Variants in DDAH1 observed in about 807,000 individuals in gnomAD.
DDAH1 encodes the protein N(G),N(G)-dimethylarginine dimethylaminohydrolase 1.
In DDAH1, 19 loss-of-function variants were observed where a neutral mutation model predicts 28.8. The observed-to-expected ratio is 0.66, with a 90% CI of 0.46 to 0.97. The LOEUF (loss-of-function observed/expected upper bound fraction) is 0.97, where lower values mean the gene tolerates loss of function less well. Ranked by LOEUF, DDAH1 falls within the 50% of genes least tolerant of loss-of-function variation. The pLI is 0.00. For synonymous variants in DDAH1, 153 were observed against 154.4 expected, an observed-to-expected ratio of 0.99 and a Z score of 0.07; for missense variants, 326 against 375.9, an observed-to-expected ratio of 0.87 and a Z score of 1.10.
At chr1:85,483,910 C>A (rs1448899501) in intron 2 of DDAH1, among the ~76,000 whole-genome samples, 2 of 152,182 alleles carry the variant, frequency 1.3e-5, no homozygotes, top group Non-Finnish European at 2.9e-5. Flanking sequence ...ATCGCAGATA[C>A]ACACTCCAGG....
chr1:85,325,501 C>T (rs542022748), intron 4 of DDAH1, among the ~76,000 whole-genome samples: 1 of 152,070 alleles, frequency 6.6e-6, no homozygotes, highest in South Asian at 2.1e-4. Flanking sequence ...AGGCCTCACC[C>T]TTAGGGAAAG....
At chr1:85,535,263 C>A (rs1658236142) in intron 1 of DDAH1, among the ~76,000 whole-genome samples, 1 of 151,386 alleles carries the variant, frequency 6.6e-6, no homozygotes, top group Non-Finnish European at 1.5e-5. Flanking sequence ...CAGATTTAAA[C>A]CAGACATGAA....
At chr1:85,540,211 T>C (rs1338540023) in intron 1 of DDAH1, among the ~76,000 whole-genome samples, 1 of 152,198 alleles carries the variant, frequency 6.6e-6, no homozygotes, top group African/African-American at 2.4e-5. Context: ...ATCTTTCCAA[T>C]ATACTATATT....
chr1:85,530,023 C>A (rs1468218611), intron 1 of DDAH1, among the ~76,000 whole-genome samples: 2 of 142,448 alleles, frequency 1.4e-5, no homozygotes, highest in African/African-American at 5.1e-5. Context: ...AAACTGCTGA[C>A]CCACGCATTT....
intron 1 of DDAH1, among the ~76,000 whole-genome samples, chr1:85,499,119 A>T (rs181311472): frequency 7.3e-6 from 1 of 136,748 alleles, no homozygotes; most frequent in Non-Finnish European, 1.5e-5. Flanking sequence ...TGAATAAAAA[A>T]ACAAGAACTA....
intron 4 of DDAH1, among the ~76,000 whole-genome samples, chr1:85,345,743 T>C (rs935445152): frequency 9.2e-5 from 14 of 152,306 alleles, no homozygotes; most frequent in African/African-American, 3.1e-4. Context: ...CGGGTGCCTA[T>C]AATCCCAGTT....
At chr1:85,393,126 C>T (rs1441142558) in intron 1 of DDAH1, among the ~76,000 whole-genome samples, 1 of 152,132 alleles carries the variant, frequency 6.6e-6, no homozygotes, top group Non-Finnish European at 1.5e-5. Flanking sequence ...ATTTATTTTG[C>T]ACAAGACACT....
At chr1:85,561,232 T>A (rs941409932) in intron 1 of DDAH1, among the ~76,000 whole-genome samples, 3 of 152,084 alleles carry the variant, frequency 2.0e-5, no homozygotes, top group Non-Finnish European at 4.4e-5. Context: ...CAAAGAGTTA[T>A]TAGGAGGATC....
chr1:85,551,542 C>T (rs1246330486), intron 1 of DDAH1, among the ~76,000 whole-genome samples: 1 of 152,184 alleles, frequency 6.6e-6, no homozygotes, highest in Non-Finnish European at 1.5e-5. Flanking sequence ...TCAACTTTCA[C>T]TCCTTCTTGT....
chr1:85,331,448 T>C (rs942825329), intron 4 of DDAH1, among the ~76,000 whole-genome samples: 3 of 151,610 alleles, frequency 2.0e-5, no homozygotes, highest in Admixed American at 2.0e-4. Flanking sequence ...TAACATAATG[T>C]ACCCATCTTA....
chr1:85,432,215 A>G (rs999870840), intron 1 of DDAH1, among the ~76,000 whole-genome samples: 1 of 152,180 alleles, frequency 6.6e-6, no homozygotes, highest in African/African-American at 2.4e-5. Flanking sequence ...TCAAGATAGC[A>G]AGATTGAACA....
rs1248272035 is a variant in DDAH1, at chr1:85,437,124, C to T, written c.303+27619G>A. On this transcript the variant is annotated intron_variant, in intron 1 of 5. Coordinates refer to ENST00000284031, the MANE Select transcript of DDAH1 (RefSeq NM_012137.4). ...CACCTGGTTCTCCCTCTCTCGCTGC[C>T]TGCCACCAGCCCCTCCACACACACT... 5.9e-5 allele frequency among the ~76,000 whole-genome samples: 9 copies of T among 152,168 alleles called. No individual in the cohort carries two copies. In the East Asian group the frequency reaches 1.7e-3, roughly 29 times the overall value.
At chr1:85,565,552 C>T (rs12090959) in intron 1 of DDAH1, among the ~76,000 whole-genome samples, 11,245 of 151,424 alleles carry the variant, frequency 0.074, 473 homozygotes, top group East Asian at 0.15. Flanking sequence ...TCCTATGAGC[C>T]TATATTATTT....
Position 85,564,971 on chromosome 1 carries a change from C to T in DDAH1, c.-123+13013G>A, listed in dbSNP as rs182225346. On this transcript the variant is annotated intron_variant, in intron 1 of 6. Transcript: ENST00000426972. ...CAGCACTTTGGGAGGCCAAGGCAGG[C>T]GGATCACGAGGTCAGTAGTTTGAGA... Among the ~76,000 whole-genome samples the T allele has an allele frequency of 5.6e-3, 856 of 151,582 alleles. 7 individuals carry two copies. The highest frequency in any genetic ancestry group is 0.038 in the Middle Eastern group (11 of 292).
intron 2 of DDAH1, among the ~76,000 whole-genome samples, chr1:85,479,365 G>C (rs944019421): frequency 1.3e-5 from 2 of 150,846 alleles, no homozygotes; most frequent in Non-Finnish European, 1.5e-5. Flanking sequence ...AGTAGAGACG[G>C]GGTTTCACCG....
In DDAH1 at chr1:85,503,542, T is replaced by TATCTATC. The variant is rs1189732417; in HGVS notation, c.-122-7268_-122-7262dup. Among the ~76,000 whole-genome samples the TATCTATC allele has an allele frequency of 5.2e-4, 77 of 149,300 alleles. 1 individual carries two copies. The highest frequency in any genetic ancestry group is 1.6e-3 in the African/African-American group (64 of 41,274). Reference sequence around the variant, plus strand: ...TCATCTATCTATCTATCTATCTATCTATCTATCTATCTATCTATCTATCTA... The same window carrying TATCTATC: ...TCATCTATCTATCTATCTATCTATCTATCTATCATCTATCTATCTATCTATCTATCTA... On this transcript the variant is annotated intron_variant, in intron 1 of 6. Transcript: ENST00000426972.
At chr1:85,553,791 A>G (rs554670680) in intron 1 of DDAH1, among the ~76,000 whole-genome samples, 78 of 152,364 alleles carry the variant, frequency 5.1e-4, no homozygotes, top group Middle Eastern at 6.8e-3. Context: ...AAGGGGTCAC[A>G]GGTGCTACAT....
intron 1 of DDAH1, chr1:85,404,637 T>C (rs1232515584): frequency 4.1e-6 from 3 of 727,644 alleles, no homozygotes; most frequent in Non-Finnish European, 5.7e-6. Flanking sequence ...AATGATACTG[T>C]AGACTCAAGT....
chr1:85,388,987 T>C (rs1346371640), intron 1 of DDAH1, among the ~76,000 whole-genome samples: 2 of 152,132 alleles, frequency 1.3e-5, no homozygotes, highest in African/African-American at 4.8e-5. Flanking sequence ...TAGTTGCTAG[T>C]TGATTGGGAA....
Sources: allele counts gnomAD v4.1 joint callset (sites outside exome capture counted in the v4.1 genomes callset), GRCh38; gene constraint gnomAD v4.1.1; transcripts MANE v1.5; gene names NCBI Gene and HGNC (gene_info 2026-07-23, HGNC 2026-07-21).